Variants in ATF7IP observed in about 807,000 individuals in gnomAD.
ATF7IP encodes activating transcription factor 7-interacting protein 1.
In ATF7IP, 23 loss-of-function variants were observed where a neutral mutation model predicts 106.4. The ratio of observed to expected loss-of-function variants is 0.22; its 90% CI spans 0.16 to 0.31. The LOEUF is 0.31. Ranked by LOEUF, ATF7IP falls within the 10% of genes least tolerant of loss-of-function variation. ATF7IP has a pLI of 1.00. For synonymous variants in ATF7IP, 542 were observed against 539.0 expected (o/e 1.01, Z -0.08); for missense variants, 1,334 against 1,524.3 (o/e 0.88, Z 2.08).
At chr12:14,432,340 T>C (rs1325975703) in intron 2 of ATF7IP, among the ~76,000 whole-genome samples, 3 of 152,210 alleles carry the variant, frequency 2.0e-5, no homozygotes, top group Non-Finnish European at 2.9e-5. Context: ...CAATGAGTAT[T>C]AAAATCAGAA....
At position 14,475,918 on chromosome 12, in the gene ATF7IP, G is replaced by A. The variant is rs1317464490; in HGVS notation, c.2891G>A (p.Ser964Asn). ...QCGKATGSDSSGVIDLTMDDE... is the reference protein window; with the variant it reads ...QCGKATGSDSNGVIDLTMDDE... ...GGAAAAGCCACTGGCAGTGATTCAA[G>A]TGGTGTCATTGATCTCACAATGGAT... Residue 964 changes from serine to asparagine, a missense_variant, in exon 11 of 15, where the codon AGT becomes AAT. Physicochemically the swap from Ser to Asn is conservative, Grantham distance 46 (BLOSUM62 1). This residue lies in a region of ATF7IP where 370 missense variants were observed against 401.2 expected (regional missense o/e 0.92). Coordinates refer to ENST00000261168, the MANE Select transcript of ATF7IP (RefSeq NM_018179.5). 1.2e-6 allele frequency: 2 copies of A among 1,613,672 alleles called. No individual in the cohort carries two copies. The highest frequency in any genetic ancestry group is 1.1e-5 in the South Asian group (1 of 90,972).
At chr12:14,495,859 C>T (rs576392979) in intron 13 of ATF7IP, among the ~76,000 whole-genome samples, 1 of 152,142 alleles carries the variant, frequency 6.6e-6, no homozygotes, top group South Asian at 2.1e-4. Context: ...AACCAGTGTT[C>T]TAGGATTTTT....
At chr12:14,392,559 C>G (rs1939618522) in intron 1 of ATF7IP, among the ~76,000 whole-genome samples, 1 of 152,174 alleles carries the variant, frequency 6.6e-6, no homozygotes, top group Non-Finnish European at 1.5e-5. Context: ...CTGTTTGATG[C>G]TTGGCATATA....
At chr12:14,426,823 C>CAAAAAAAAAAAAAAA (rs1491532843) in intron 2 of ATF7IP, among the ~76,000 whole-genome samples, 2 of 16,060 alleles carry the variant, frequency 1.2e-4, no homozygotes, top group South Asian at 3.7e-3. Context: ...GACCCTGCCT[C>CAAAAAAAAAAAAAAA]AAAAAAAAAA....
chr12:14,448,119 C>A (rs1943057237), intron 6 of ATF7IP, among the ~76,000 whole-genome samples: 1 of 151,780 alleles, frequency 6.6e-6, no homozygotes, highest in African/African-American at 2.4e-5. Flanking sequence ...CTTGATAGTT[C>A]CATTGTCTGG....
chr12:14,474,642 G>A (rs1411612231), intron 10 of ATF7IP, among the ~76,000 whole-genome samples: 1 of 151,908 alleles, frequency 6.6e-6, no homozygotes, highest in African/African-American at 2.4e-5. Context: ...CTTGTGATTT[G>A]CCTGCCTCAG....
At chr12:14,460,385 A>C (rs1591912496) in intron 8 of ATF7IP, 110 bp from the exon 9 acceptor site, 8 of 1,085,948 alleles carry the variant, frequency 7.4e-6, no homozygotes, top group Non-Finnish European at 1.0e-5. Context: ...AAAAGACTTT[A>C]CAGTCTTTGC....
At chr12:14,373,755 G>A (rs1938619797) in intron 1 of ATF7IP, among the ~76,000 whole-genome samples, 1 of 152,092 alleles carries the variant, frequency 6.6e-6, no homozygotes, top group South Asian at 2.1e-4. Context: ...TAGTATAACT[G>A]TATATTTTCC....
chr12:14,442,765 C>T (rs1452993276), intron 5 of ATF7IP, among the ~76,000 whole-genome samples: 1 of 152,100 alleles, frequency 6.6e-6, no homozygotes, highest in African/African-American at 2.4e-5. Flanking sequence ...AAATAAACTG[C>T]ACAAGGATTA....
rs761610435 is a variant in ATF7IP, at chr12:14,477,216, A to G, written c.2942-1101A>G. 3.3e-5 allele frequency among the ~76,000 whole-genome samples: 5 copies of G among 152,200 alleles called. No individual in the cohort carries two copies. In the East Asian group the frequency reaches 9.6e-4, roughly 29 times the overall value. ...TTTAAAAATAATATTTTGGGGAATC[A>G]GTCTAGTTGAGCTTTGGAAAACAAA... On this transcript the variant is annotated intron_variant, in intron 11 of 14. Coordinates refer to ENST00000261168, the MANE Select transcript of ATF7IP (RefSeq NM_018179.5).
chr12:14,425,272 T>C lies in ATF7IP; in HGVS notation c.1357T>C (p.Ser453Pro), dbSNP rs773602528. 1 of 1,597,850 alleles carries C rather than the reference T, an allele frequency of 6.3e-7. No homozygotes were observed. The highest frequency in any genetic ancestry group is 1.1e-5 in the South Asian group (1 of 87,736). ...TTCTGAGGATGAACTTACTTGCTTT[T>C]CTAAAACATCTCTCCTTCCAATCGA... is the stretch of plus-strand genomic sequence containing the variant. ...APSEDELTCFSKTSLLPIDET... is the reference protein window; with the variant it reads ...APSEDELTCFPKTSLLPIDET... The change falls in exon 2 of 15, where the codon TCT (serine) becomes CCT (proline). Residue 453 changes from serine to proline, a missense_variant. Physicochemically the swap from Ser to Pro is moderately conservative, Grantham distance 74. Transcript: ENST00000261168.
At chr12:14,418,999 C>T (rs1396179451) in intron 1 of ATF7IP, 6 of 151,998 alleles carry the variant, frequency 3.9e-5, no homozygotes, top group Non-Finnish European at 7.4e-5. Flanking sequence ...GTCTTAGACT[C>T]TTTAGTTTAT....
intron 2 of ATF7IP, among the ~76,000 whole-genome samples, chr12:14,431,398 C>CTT (rs780382202): frequency 1.1e-4 from 16 of 142,664 alleles, no homozygotes; most frequent in African/African-American, 2.8e-4. Flanking sequence ...AAAAAACATT[C>CTT]TTTTTTTTTT....
intron 14 of ATF7IP, 31 bp from the exon 15 acceptor site, chr12:14,497,623 C>T (rs1332322111): frequency 6.4e-7 from 1 of 1,562,350 alleles, no homozygotes; most frequent in Non-Finnish European, 8.7e-7. Context: ...TTTTTGCAAT[C>T]ATCATTAATC....
intron 1 of ATF7IP, among the ~76,000 whole-genome samples, chr12:14,422,388 A>G (rs1232990080): frequency 6.6e-6 from 1 of 151,562 alleles, no homozygotes; most frequent in Non-Finnish European, 1.5e-5. Flanking sequence ...ATTTTTTTGT[A>G]GTGGCATTAC....
chr12:14,482,459 A>T (rs915993025), intron 13 of ATF7IP: 3 of 152,300 alleles, frequency 2.0e-5, no homozygotes, highest in African/African-American at 7.2e-5. Context: ...CAGGAGAAAG[A>T]TGTAGGCTGG....
At chr12:14,390,726 C>T (rs952355843) in intron 1 of ATF7IP, among the ~76,000 whole-genome samples, 1 of 152,084 alleles carries the variant, frequency 6.6e-6, no homozygotes, top group Non-Finnish European at 1.5e-5. Flanking sequence ...GCCGTTAGGC[C>T]ATTACAAACT....
intron 1 of ATF7IP, among the ~76,000 whole-genome samples, chr12:14,409,573 T>C (rs1159558154): frequency 6.6e-6 from 1 of 152,122 alleles, no homozygotes; most frequent in South Asian, 2.1e-4. Context: ...TTTTTAAATA[T>C]CTTGCGTGAG....
At chr12:14,491,287 T>C (rs1007033897) in intron 13 of ATF7IP, among the ~76,000 whole-genome samples, 1 of 152,166 alleles carries the variant, frequency 6.6e-6, no homozygotes, top group East Asian at 1.9e-4. Flanking sequence ...GCCTCCAACA[T>C]CCAAATAGGT....
Sources: allele counts gnomAD v4.1 joint callset (sites outside exome capture counted in the v4.1 genomes callset), GRCh38; gene constraint gnomAD v4.1.1; regional missense constraint gnomAD v4.1.1; transcripts MANE v1.5; gene names NCBI Gene and HGNC (gene_info 2026-07-23, HGNC 2026-07-21).